NID1: variants seen among roughly 807,000 people sequenced by gnomAD.
The protein encoded by NID1 is nidogen 1.
Under a neutral mutation model 130.6 loss-of-function variants are expected in NID1, and 76 were observed. The observed-to-expected ratio is 0.58, with a 90% CI of 0.48 to 0.70. The LOEUF (loss-of-function observed/expected upper bound fraction) is 0.70. Among genes scored for constraint, NID1 ranks in the 30% least tolerant of loss-of-function variants. The probability of loss-of-function intolerance (pLI) is 0.00; values close to 1 mark genes in which losing one functional copy is unlikely to be tolerated. For synonymous variants in NID1, 665 were observed against 675.1 expected, an observed-to-expected ratio of 0.98 and a Z score of 0.23; for missense variants, 1,517 against 1,664.8, an observed-to-expected ratio of 0.91 and a Z score of 1.54.
intron 4 of NID1, among the ~76,000 whole-genome samples, chr1:236,039,885 G>A (rs1659397608): frequency 6.6e-6 from 1 of 152,250 alleles, no homozygotes; most frequent in South Asian, 2.1e-4. Context: ...GGGTCATTAT[G>A]GCCTGTGTAC....
rs1183090840 is a variant in NID1 at position 236,048,884 on chromosome 1, A to G, written c.331T>C (p.Leu111=). 1 of 1,614,032 alleles carries G rather than the reference A, an allele frequency of 6.2e-7. No homozygotes were observed. The highest frequency in any genetic ancestry group is 8.5e-7 in the Non-Finnish European group (1 of 1,180,002). The change falls in exon 2 of 20, where the codon TTG becomes CTG. Residue 111 remains leucine (L), a synonymous_variant. Coordinates refer to ENST00000264187, the MANE Select transcript of NID1 (RefSeq NM_002508.3). Reference sequence around the variant, plus strand: ...TTCCCCAGGCCATCGGTCGTGTCCAAGTCCGCCAGGAAAGGGGCGACTGCA... The same window carrying G: ...TTCCCCAGGCCATCGGTCGTGTCCAGGTCCGCCAGGAAAGGGGCGACTGCA... ...FGAVAPFLAD[L]DTTDGLGKVY...
intron 15 of NID1, among the ~76,000 whole-genome samples, chr1:235,984,923 C>T (rs1042218278): frequency 6.6e-6 from 1 of 152,288 alleles, no homozygotes; most frequent in South Asian, 2.1e-4. Flanking sequence ...GGCGCCGTGG[C>T]TCACACCTGT....
chr1:236,004,072 G>A (rs1002052974), intron 12 of NID1, among the ~76,000 whole-genome samples: 7 of 150,688 alleles, frequency 4.6e-5, no homozygotes, highest in African/African-American at 1.5e-4. Context: ...AAAAAGAAAT[G>A]AGGCCTCAGA....
Position 236,013,574 on chromosome 1 carries a change from G to A in NID1, c.2255-14C>T. 6.2e-7 allele frequency: 1 copy of A among 1,614,132 alleles called. No individual in the cohort carries two copies. The highest frequency in any genetic ancestry group is 8.5e-7 in the Non-Finnish European group (1 of 1,180,018). The stretch of plus-strand genomic sequence containing the variant: ...GGTCCACGACAGCTTCAGAACAAAA[G>A]GTTGATGCACAGTCTTAGGAAGAAA... On this transcript the variant is annotated splice_polypyrimidine_tract_variant and intron_variant, in intron 10 of 19. Coordinates refer to ENST00000264187, the MANE Select transcript of NID1 (RefSeq NM_002508.3).
intron 2 of NID1, 44 bp from the exon 3 acceptor site, chr1:236,045,727 T>C (rs1572617830): frequency 2.1e-6 from 3 of 1,422,942 alleles, no homozygotes; most frequent in Non-Finnish European, 2.9e-6. Flanking sequence ...AAAATATCGA[T>C]AGATTTTAAA....
intron 9 of NID1, 27 bp downstream of exon 9, chr1:236,024,043 C>A: frequency 6.2e-7 from 1 of 1,611,246 alleles, no homozygotes; most frequent in South Asian, 1.1e-5. Flanking sequence ...TTTCCCAGCC[C>A]CAACAAGTCA....
rs546633147 is a variant in NID1, at chr1:236,021,325, T to C, written c.2128+2745A>G. Among the ~76,000 whole-genome samples the C allele has an allele frequency of 4.2e-4, 64 of 152,350 alleles. No homozygotes were observed. In the South Asian group the frequency reaches 0.013, roughly 31 times the overall value. ...CTATGTCCCCTCCCTAGCGATACGTTACCAGGAAGGTAAGTCCCAGACTGA... is the reference window on the plus strand; with the variant it reads ...CTATGTCCCCTCCCTAGCGATACGTCACCAGGAAGGTAAGTCCCAGACTGA... On this transcript the variant is annotated intron_variant, in intron 9 of 19. Transcript: ENST00000264187.
rs139524690 is a variant in NID1 at position 236,052,490 on chromosome 1, G to A, written c.226-3501C>T. The stretch of plus-strand genomic sequence containing the variant: ...GTGAAGCCAGGAAACCTGGAAGTGG[G>A]TCCTGGTTCCTTCCTCTTTCTCACC... On this transcript the variant is annotated intron_variant, in intron 1 of 19. Coordinates refer to ENST00000264187, the MANE Select transcript of NID1 (RefSeq NM_002508.3). Among the ~76,000 whole-genome samples, 117 of 152,304 alleles carry A rather than the reference G, an allele frequency of 7.7e-4. 1 individual carries two copies. In the East Asian group the frequency reaches 0.016, roughly 21 times the overall value.
intron 11 of NID1, among the ~76,000 whole-genome samples, chr1:236,012,769 G>A (rs1658470839): frequency 1.3e-5 from 2 of 152,146 alleles, no homozygotes; most frequent in Admixed American, 1.3e-4. Flanking sequence ...GTAATAAAGA[G>A]AAAGTATCTC....
intron 12 of NID1, among the ~76,000 whole-genome samples, chr1:235,997,194 C>A (rs1391919251): frequency 6.6e-6 from 1 of 152,074 alleles, no homozygotes; most frequent in Non-Finnish European, 1.5e-5. Flanking sequence ...GGGTAGGGCT[C>A]AACTGACTTC....
In NID1 at chr1:236,024,050, G is replaced by A. The variant is rs746029244; in HGVS notation, c.2128+20C>T. ...TCGCCTGATTTCCCAGCCCCAACAA[G>A]TCAGAATCAAAGGCTGTACCATAGC... On this transcript the variant is annotated intron_variant, in intron 9 of 19. Transcript: ENST00000264187. 1.4e-5 allele frequency: 22 copies of A among 1,612,498 alleles called. No homozygotes were observed. Among genetic ancestry groups the A allele is most frequent in the Non-Finnish European group, 1.8e-5 (21 of 1,179,404 alleles).
intron 12 of NID1, among the ~76,000 whole-genome samples, chr1:235,995,742 C>T (rs971979873): frequency 6.6e-6 from 1 of 152,200 alleles, no homozygotes; most frequent in African/African-American, 2.4e-5. Context: ...GGGCTGAGTC[C>T]AATCCCCTCT....
At chr1:236,050,705 T>C (rs962700013) in intron 1 of NID1, among the ~76,000 whole-genome samples, 1 of 152,204 alleles carries the variant, frequency 6.6e-6, no homozygotes, top group Admixed American at 6.5e-5. Flanking sequence ...TCTCACTTTC[T>C]TGTTAGTGCA....
rs571316759 is a variant in NID1, at chr1:236,024,890, G to A, written c.1985-677C>T. Among the ~76,000 whole-genome samples the A allele has an allele frequency of 2.0e-5, 3 of 151,958 alleles. No homozygotes were observed. The South Asian group carries it at 6.2e-4, about 32-fold the overall frequency. On this transcript the variant is annotated intron_variant, in intron 8 of 19. Transcript: ENST00000264187. Reference sequence around the variant, plus strand: ...AGTGATGCAGAGTCACAGGGCAAGCGTTTCTTTTAGGCTCCCTCCCTAATT... The same window carrying A: ...AGTGATGCAGAGTCACAGGGCAAGCATTTCTTTTAGGCTCCCTCCCTAATT...
chr1:235,995,577 C>G (rs1229816600), intron 12 of NID1, among the ~76,000 whole-genome samples: 1 of 152,242 alleles, frequency 6.6e-6, no homozygotes, highest in East Asian at 1.9e-4. Context: ...TCACTGTCTG[C>G]TAAGAGCTAT....
At chr1:236,037,955 A>G in intron 5 of NID1, 149 bp downstream of exon 5, 1 of 904,692 alleles carries the variant, frequency 1.1e-6, no homozygotes, top group Non-Finnish European at 1.6e-6. Flanking sequence ...ACGAGAAAAA[A>G]TGAGGAAAGA....
In NID1 at chr1:236,013,497, T is replaced by A. The variant is rs1395257262; in HGVS notation, c.2318A>T (p.Gln773Leu). ...ETGLHNCDIP[Q>L]RAQCIYTGGS... ...TCCTGTGTAGATACACTGGGCCCGC[T>A]GGGGTATGTCGCAGTTATGAAGGCC... is the stretch of plus-strand genomic sequence containing the variant. Residue 773 changes from glutamine (Q) to leucine (L), a missense_variant, in exon 11 of 20, where the codon CAG becomes CTG. Gln to Leu is a moderately radical substitution (Grantham distance 113, BLOSUM62 -2). Around this residue, in one of 3 missense-constraint regions of NID1, gnomAD observed 1,329 missense variants for 1,429.2 expected, o/e 0.93. Coordinates refer to ENST00000264187, the MANE Select transcript of NID1 (RefSeq NM_002508.3). The A allele has an allele frequency of 6.2e-7, 1 of 1,613,236 alleles. No individual in the cohort carries two copies. Among genetic ancestry groups the A allele is most frequent in the African/African-American group, 1.3e-5 (1 of 74,636 alleles).
rs889918436 is a variant in NID1, at chr1:236,065,037, C to T, written c.43G>A (p.Ala15Thr). ...SSRIRAAWTR[A>T]LLLPLLLAGP... The stretch of plus-strand genomic sequence containing the variant: ...GCCAGCAGCAGCGGCAGCAGCAGCG[C>T]CCGCGTCCACGCAGCCCGGATCCGG... The change falls in exon 1 of 20, where the codon GCG becomes ACG. Residue 15 changes from alanine to threonine, a missense_variant. By Grantham distance (58) the Ala-to-Thr change is moderately conservative. Around this residue, in one of 3 missense-constraint regions of NID1, gnomAD observed 1,329 missense variants for 1,429.2 expected, o/e 0.93. Coordinates refer to ENST00000264187, the MANE Select transcript of NID1 (RefSeq NM_002508.3). The surrounding 1 kb of genome is among the most constrained non-coding windows in gnomAD (Gnocchi z 4.1). The T allele has an allele frequency of 2.6e-6, 4 of 1,555,904 alleles. No individual in the cohort carries two copies. In the African/African-American group the frequency reaches 5.5e-5, roughly 21 times the overall value.
chr1:236,047,698 C>T (rs1186790139), intron 2 of NID1, among the ~76,000 whole-genome samples: 3 of 152,136 alleles, frequency 2.0e-5, no homozygotes, highest in African/African-American at 7.2e-5. Flanking sequence ...GTTATTTTAA[C>T]CTATCGTTTC....
Sources: gnomAD v4.1 joint callset for allele counts (sites outside exome capture counted in the v4.1 genomes callset) on GRCh38, gnomAD v4.1.1 for gene constraint, gnomAD v4.1.1 regional missense constraint, Gnocchi (gnomAD v3.1) non-coding constraint, MANE v1.5 for transcripts, NCBI Gene and HGNC (gene_info 2026-07-23, HGNC 2026-07-21) for gene names.